MDGA2: variants seen among roughly 807,000 people sequenced by gnomAD.
The protein encoded by MDGA2 is MAM domain-containing glycosylphosphatidylinositol anchor protein 2.
Under a neutral mutation model 117.8 loss-of-function variants are expected in MDGA2, and 40 were observed. The ratio of observed to expected loss-of-function variants is 0.34; its 90% confidence interval spans 0.26 to 0.44. The LOEUF (loss-of-function observed/expected upper bound fraction) is 0.44. Among genes scored for constraint, MDGA2 ranks in the 20% least tolerant of loss-of-function variants. MDGA2 has a pLI of 1.00. For missense variants in MDGA2, 1,123 were observed against 1,250.6 expected (o/e 0.90, Z 1.54); for synonymous variants, 452 against 439.0 (o/e 1.03, Z -0.37).
intron 1 of MDGA2, among the ~76,000 whole-genome samples, chr14:47,517,255 G>A (rs1263485490): frequency 6.6e-6 from 1 of 151,952 alleles, no homozygotes; most frequent in African/African-American, 2.4e-5. Context: ...GTCTTTTGAT[G>A]ACTAAAATCA....
intron 3 of MDGA2, among the ~76,000 whole-genome samples, chr14:47,201,459 G>A (rs1885503592): frequency 6.6e-6 from 1 of 152,062 alleles, no homozygotes; most frequent in Non-Finnish European, 1.5e-5. Flanking sequence ...TTCTTTCTCT[G>A]TCTTGCCTGG....
At chr14:47,247,946 C>T (rs1441567386) in intron 2 of MDGA2, among the ~76,000 whole-genome samples, 6 of 151,386 alleles carry the variant, frequency 4.0e-5, no homozygotes, top group Non-Finnish European at 8.9e-5. Context: ...TTTCCAGCTT[C>T]ATTCATGTCC....
chr14:47,647,609 A>G (rs1218230837), intron 1 of MDGA2, among the ~76,000 whole-genome samples: 1 of 152,172 alleles, frequency 6.6e-6, no homozygotes, highest in African/African-American at 2.4e-5. Flanking sequence ...AGTAGTTCAC[A>G]TTACCCATGT....
chr14:47,419,745 C>A (rs1406070419), intron 1 of MDGA2, among the ~76,000 whole-genome samples: 1 of 151,796 alleles, frequency 6.6e-6, no homozygotes, highest in Admixed American at 6.6e-5. Context: ...AAATATACTG[C>A]ATATTCATAT....
intron 1 of MDGA2, among the ~76,000 whole-genome samples, chr14:47,510,737 A>G (rs1412465408): frequency 6.6e-6 from 1 of 152,218 alleles, no homozygotes; most frequent in Non-Finnish European, 1.5e-5. Context: ...GTGGTTGTCA[A>G]TAAATCCTTA....
In MDGA2 at chr14:47,519,033, G is replaced by A. The variant is rs1028252533; in HGVS notation, c.280+155484C>T. 3.3e-5 allele frequency among the ~76,000 whole-genome samples: 5 copies of A among 151,838 alleles called. No homozygotes were observed. The East Asian group carries it at 5.8e-4, about 18-fold the overall frequency. On this transcript the variant is annotated intron_variant, in intron 1 of 16. Transcript: ENST00000399232. ...AAACTGGCAAACATGGTGAAACCCC[G>A]TCTCTACTAAAAATACAAAAATTGG... is the stretch of plus-strand genomic sequence containing the variant.
At chr14:46,897,924 AT>A (rs1033958557) in intron 10 of MDGA2, among the ~76,000 whole-genome samples, 1 of 151,968 alleles carries the variant, frequency 6.6e-6, no homozygotes, top group African/African-American at 2.4e-5. Context: ...ATAGATCCTA[AT>A]TTAAAAGTAA....
chr14:46,923,890 G>T (rs912381171), intron 9 of MDGA2, among the ~76,000 whole-genome samples: 2 of 151,906 alleles, frequency 1.3e-5, no homozygotes, highest in African/African-American at 4.8e-5. Flanking sequence ...GTTGAACAGG[G>T]AAAGAATTCA....
intron 1 of MDGA2, among the ~76,000 whole-genome samples, chr14:47,641,337 A>T (rs1156398826): frequency 6.6e-6 from 1 of 152,048 alleles, no homozygotes; most frequent in East Asian, 1.9e-4. Flanking sequence ...CTTCATTTAC[A>T]TTGTCAACTC....
intron 1 of MDGA2, among the ~76,000 whole-genome samples, chr14:47,479,657 G>T (rs993531144): frequency 6.6e-6 from 1 of 151,930 alleles, no homozygotes; most frequent in Non-Finnish European, 1.5e-5. Flanking sequence ...ATTTCATAGA[G>T]GCACTTAGTG....
chr14:47,170,675 T>G (rs1425373013), intron 3 of MDGA2, among the ~76,000 whole-genome samples: 1 of 152,108 alleles, frequency 6.6e-6, no homozygotes. Context: ...TATTACAAGT[T>G]TATACAAAAC....
At chr14:46,916,732 A>G (rs1566523548) in intron 10 of MDGA2, among the ~76,000 whole-genome samples, 1 of 152,156 alleles carries the variant, frequency 6.6e-6, no homozygotes, top group Admixed American at 6.6e-5. Context: ...TTGGCAGAAC[A>G]GCACAAAGTC....
intron 1 of MDGA2, among the ~76,000 whole-genome samples, chr14:47,640,340 G>T (rs569799912): frequency 1.3e-5 from 2 of 152,116 alleles, no homozygotes; most frequent in Admixed American, 1.3e-4. Flanking sequence ...ACATTGACAT[G>T]ATTATGCCAA....
intron 2 of MDGA2, among the ~76,000 whole-genome samples, chr14:47,249,200 G>A (rs1310926866): frequency 6.6e-6 from 1 of 151,148 alleles, no homozygotes; most frequent in African/African-American, 2.4e-5. Context: ...GTATTTTTTA[G>A]TAGAGACGGG....
In MDGA2 at chr14:46,999,861, T is replaced by G. The variant is rs1192133052; in HGVS notation, c.1819+35150A>C. 3.3e-5 allele frequency among the ~76,000 whole-genome samples: 5 copies of G among 152,200 alleles called. No individual in the cohort carries two copies. In the East Asian group the frequency reaches 9.7e-4, roughly 29 times the overall value. ...CACATACCTAACAAATTAGGACATG[T>G]AAGATCATCTGCTCTGTCTACCTTC... On this transcript the variant is annotated intron_variant, in intron 8 of 16. Coordinates refer to ENST00000399232, the MANE Select transcript of MDGA2 (RefSeq NM_001113498.3).
intron 1 of MDGA2, among the ~76,000 whole-genome samples, chr14:47,456,735 C>G (rs576728172): frequency 1.3e-5 from 2 of 152,234 alleles, no homozygotes; most frequent in Admixed American, 6.5e-5. Flanking sequence ...GGAATAAACT[C>G]TTTGAAGAAA....
intron 5 of MDGA2, among the ~76,000 whole-genome samples, chr14:47,104,740 C>A (rs1045017816): frequency 6.6e-5 from 10 of 152,158 alleles, no homozygotes; most frequent in African/African-American, 2.4e-4. Context: ...TGTCCTCCTG[C>A]TCTTTGCTCC....
At chr14:47,645,142 AATCC>A (rs1897501995) in intron 1 of MDGA2, among the ~76,000 whole-genome samples, 1 of 152,196 alleles carries the variant, frequency 6.6e-6, no homozygotes, top group Non-Finnish European at 1.5e-5. Context: ...GAATGGCTTT[AATCC>A]ACGGAATTTG....
intron 14 of MDGA2, among the ~76,000 whole-genome samples, chr14:46,872,506 A>G (rs897694092): frequency 6.6e-5 from 10 of 151,892 alleles, no homozygotes; most frequent in African/African-American, 2.4e-4. Context: ...GATATACTTC[A>G]TTATTTAGAA....
Sources: allele counts gnomAD v4.1 joint callset (sites outside exome capture counted in the v4.1 genomes callset), GRCh38; gene constraint gnomAD v4.1.1; transcripts MANE v1.5; gene names NCBI Gene and HGNC (gene_info 2026-07-23, HGNC 2026-07-21).